AP4E1: variants seen among roughly 807,000 people sequenced by gnomAD.
The protein encoded by AP4E1 is adaptor related protein complex 4 subunit epsilon 1.
A neutral mutation model predicts 128.2 loss-of-function variants in AP4E1; 56 were observed. The ratio of observed to expected loss-of-function variants is 0.44; its 90% CI spans 0.35 to 0.55. AP4E1 has a LOEUF of 0.55. Ranked by LOEUF, AP4E1 falls within the 20% of genes least tolerant of loss-of-function variation. The pLI is 0.00. For synonymous variants in AP4E1, 484 were observed against 473.1 expected (o/e 1.02, Z -0.30); for missense variants, 1,324 against 1,307.7 (o/e 1.01, Z -0.19).
intron 8 of AP4E1, among the ~76,000 whole-genome samples, chr15:50,935,055 A>G (rs57499524): frequency 0.018 from 2,809 of 152,258 alleles, 104 homozygotes; most frequent in African/African-American, 0.064. Flanking sequence ...AAATAAATCA[A>G]TCGACTAGTT....
rs755866765 is a variant in AP4E1 at position 50,930,975 on chromosome 15, A to C, written c.869+4A>C. 6.8e-6 allele frequency: 11 copies of C among 1,613,976 alleles called. No homozygotes were observed. In the African/African-American group the frequency reaches 1.5e-4, roughly 22 times the overall value. Reference sequence around the variant, plus strand: ...TTCTAGGAAAAGATGATCAAAGGTAAACTATTTTCAGTAAGTTTGCTTAAT... The same window carrying C: ...TTCTAGGAAAAGATGATCAAAGGTACACTATTTTCAGTAAGTTTGCTTAAT... On this transcript the variant is annotated splice_donor_region_variant and intron_variant, in intron 7 of 20. Coordinates refer to ENST00000261842, the MANE Select transcript of AP4E1 (RefSeq NM_007347.5).
In AP4E1 at chr15:50,997,409, T is replaced by A. The variant is rs1270970815; in HGVS notation, c.2430T>A (p.Thr810=). ...CTAAAAGTGGCGAAACAACCAGTAC[T>A]CATAATATGACCTGTTCTTCCTTTA... ...KEAKSGETTS[T]HNMTCSSFSS... The change falls in exon 18 of 21, where the codon ACT becomes ACA. Residue 810 remains threonine, a synonymous_variant. Transcript: ENST00000261842. 1 of 1,612,528 alleles carries A rather than the reference T, an allele frequency of 6.2e-7. No individual in the cohort carries two copies. Among genetic ancestry groups the A allele is most frequent in the Non-Finnish European group, 8.5e-7 (1 of 1,179,392 alleles).
chr15:50,977,707 T>TTTTTTTTTTG (rs2064572936), intron 15 of AP4E1, among the ~76,000 whole-genome samples: 2 of 79,166 alleles, frequency 2.5e-5, no homozygotes, highest in African/African-American at 4.7e-5. Context: ...TCTGTTATGG[T>TTTTTTTTTTG]TTTTTTTTTT....
chr15:50,964,943 C>T (rs982385893), intron 14 of AP4E1, among the ~76,000 whole-genome samples: 1 of 98,728 alleles, frequency 1.0e-5, no homozygotes, highest in Non-Finnish European at 2.1e-5. Flanking sequence ...TAAAGTATAA[C>T]ACCTCCCCCT....
At chr15:50,909,122 G>A (rs1422182688) in intron 1 of AP4E1, among the ~76,000 whole-genome samples, 194 bp downstream of exon 1, 1 of 152,246 alleles carries the variant, frequency 6.6e-6, no homozygotes, top group Non-Finnish European at 1.5e-5. Flanking sequence ...CAGGGAAGCC[G>A]AGTTTCCACA....
rs2064157858 is a variant in AP4E1 at position 50,952,068 on chromosome 15, A to C, written c.1548+1899A>C. On this transcript the variant is annotated intron_variant, in intron 13 of 20. Transcript: ENST00000261842. Reference sequence around the variant, plus strand: ...ACTACATTTGTTTTACTGTATCTGCATCTATAGGTATATCTAGGTCTACCT... The same window carrying C: ...ACTACATTTGTTTTACTGTATCTGCCTCTATAGGTATATCTAGGTCTACCT... 1.3e-5 allele frequency among the ~76,000 whole-genome samples: 2 copies of C among 152,280 alleles called. 1 individual carries two copies. The highest frequency in any genetic ancestry group is 6.8e-3 in the Middle Eastern group (2 of 294).
rs535499055 is a variant in AP4E1, at chr15:50,984,899, G to T, written c.2090+754G>T. 2.1e-3 allele frequency among the ~76,000 whole-genome samples: 326 copies of T among 152,176 alleles called. 2 individuals carry two copies. Among genetic ancestry groups the T allele is most frequent in the African/African-American group, 7.6e-3 (315 of 41,516 alleles). Reference sequence around the variant, plus strand: ...AATCACCACACTGTCTTCCACAATGGTTGAACTAGTTTACAGTCCCACCAA... The same window carrying T: ...AATCACCACACTGTCTTCCACAATGTTTGAACTAGTTTACAGTCCCACCAA... On this transcript the variant is annotated intron_variant, in intron 16 of 20. Transcript: ENST00000261842.
intron 20 of AP4E1, among the ~76,000 whole-genome samples, chr15:51,001,966 C>G (rs147068825): frequency 1.3e-5 from 2 of 152,114 alleles, no homozygotes; most frequent in Admixed American, 1.3e-4. Context: ...GCAACCTCCA[C>G]CTTCCGTGTT....
chr15:50,994,408 G>A (rs1214027228), intron 17 of AP4E1, among the ~76,000 whole-genome samples: 1 of 151,838 alleles, frequency 6.6e-6, no homozygotes, highest in Non-Finnish European at 1.5e-5. Flanking sequence ...TCCTCCCATG[G>A]TGAAATTTCC....
intron 13 of AP4E1, 148 bp downstream of exon 13, chr15:50,950,317 ATTTAC>A (rs2064132071): frequency 8.3e-6 from 5 of 600,416 alleles, no homozygotes; most frequent in Non-Finnish European, 1.2e-5. Context: ...TCACTTAACT[ATTTAC>A]TTTGTTTTTT....
rs1359239142 is a variant in AP4E1, at chr15:50,952,509, C to CA, written c.1548+2357dup. ...TGGGTGACACAGCAAGACTCCATCT[C>CA]AAAAAAAAAAAAAAAAAGAAGTGTA... On this transcript the variant is annotated intron_variant, in intron 13 of 20. Transcript: ENST00000261842. Among the ~76,000 whole-genome samples the CA allele has an allele frequency of 8.9e-3, 702 of 79,236 alleles. 9 individuals carry two copies. The highest frequency in any genetic ancestry group is 0.021 in the African/African-American group (447 of 21,302). The allele number at this position is 79,236 out of a possible 152,430, so 52.0% of individuals were successfully genotyped here. A position where few individuals can be genotyped will look rare whatever the true frequency, so the allele number is the denominator to read the frequency against.
chr15:50,915,224 T>C (rs1213249708), intron 2 of AP4E1, among the ~76,000 whole-genome samples: 2 of 152,200 alleles, frequency 1.3e-5, no homozygotes, highest in Non-Finnish European at 2.9e-5. Flanking sequence ...GTAGTGCTAC[T>C]AACAAAATAG....
intron 8 of AP4E1, among the ~76,000 whole-genome samples, chr15:50,940,050 T>G (rs1390854276): frequency 2.0e-5 from 3 of 152,152 alleles, no homozygotes. Flanking sequence ...TTTAGTGGCA[T>G]TTTAAAAATA....
chr15:50,932,486 C>T (rs1296360725), intron 7 of AP4E1, among the ~76,000 whole-genome samples: 1 of 152,206 alleles, frequency 6.6e-6, no homozygotes, highest in Non-Finnish European at 1.5e-5. Flanking sequence ...TGCTTGAGAG[C>T]AAGCCCCTTG....
At chr15:50,965,948 C>T (rs11070826) in intron 14 of AP4E1, among the ~76,000 whole-genome samples, 54,534 of 151,576 alleles carry the variant, frequency 0.36, 10,454 homozygotes, top group African/African-American at 0.46. Context: ...GACGGAGTCT[C>T]GCTCTGCCAC....
At chr15:50,910,505 C>CA (rs1329802975) in intron 1 of AP4E1, among the ~76,000 whole-genome samples, 1 of 152,084 alleles carries the variant, frequency 6.6e-6, no homozygotes, top group Admixed American at 6.6e-5. Flanking sequence ...AGCATGACTA[C>CA]AATGCAATAG....
At chr15:51,001,952 C>T (rs1008538235) in intron 20 of AP4E1, among the ~76,000 whole-genome samples, 1 of 152,084 alleles carries the variant, frequency 6.6e-6, no homozygotes, top group Non-Finnish European at 1.5e-5. Context: ...GATCTGAGCT[C>T]ACTGCAACCT....
intron 14 of AP4E1, among the ~76,000 whole-genome samples, chr15:50,959,006 G>GT (rs1231603628): frequency 1.3e-5 from 2 of 152,144 alleles, no homozygotes; most frequent in Non-Finnish European, 2.9e-5. Context: ...GAGGTTGGGA[G>GT]TTTGAGACCA....
chr15:50,912,670 T>G (rs2063579455), intron 2 of AP4E1, among the ~76,000 whole-genome samples: 1 of 151,094 alleles, frequency 6.6e-6, no homozygotes, highest in African/African-American at 2.5e-5. Flanking sequence ...TTTTTTTTTT[T>G]TTTTTGAGAC....
Sources: allele counts gnomAD v4.1 joint callset (sites outside exome capture counted in the v4.1 genomes callset), GRCh38; gene constraint gnomAD v4.1.1; transcripts MANE v1.5; gene names NCBI Gene and HGNC (gene_info 2026-07-23, HGNC 2026-07-21).